Variants in YIPF4 observed in about 807,000 individuals in gnomAD.
YIPF4 encodes the protein protein YIPF4.
YIPF4 carries 18 observed loss-of-function variants against 29.4 expected under a neutral mutation model. The ratio of observed to expected loss-of-function variants is 0.61; its 90% CI spans 0.42 to 0.91. The LOEUF is 0.91. YIPF4 is among the 40% of genes least tolerant of loss of function. YIPF4 has a pLI of 0.00. For missense variants in YIPF4, 279 were observed against 282.7 expected (o/e 0.99, Z 0.09); for synonymous variants, 115 against 104.7 (o/e 1.10, Z -0.60).
At chr2:32,289,433 C>T (rs1358865034) in intron 1 of YIPF4, among the ~76,000 whole-genome samples, 1 of 152,130 alleles carries the variant, frequency 6.6e-6, no homozygotes, top group Non-Finnish European at 1.5e-5. Context: ...AGGAAGCTAA[C>T]TTTGGTATTG....
chr2:32,280,519 C>T (rs1021066920), intron 1 of YIPF4, among the ~76,000 whole-genome samples: 1 of 151,444 alleles, frequency 6.6e-6, no homozygotes, highest in Non-Finnish European at 1.5e-5. Context: ...GCTAGGACTA[C>T]AGGCGCCCGG....
chr2:32,292,301 G>A lies in YIPF4; in HGVS notation c.358G>A (p.Ala120Thr). ...RDNPDFWGPL[A>T]VVLFFSMISL... ...CAATCCTGACTTTTGGGGTCCTCTGGCTGTTGTTCTTTTCTTTTCCATGAT... is the reference window on the plus strand; with the variant it reads ...CAATCCTGACTTTTGGGGTCCTCTGACTGTTGTTCTTTTCTTTTCCATGAT... Residue 120 changes from alanine to threonine, a missense_variant, in exon 3 of 6, where the codon GCT becomes ACT. Coordinates refer to ENST00000238831, the MANE Select transcript of YIPF4 (RefSeq NM_032312.4). 6.2e-7 allele frequency: 1 copy of A among 1,602,150 alleles called. No homozygotes were observed. The highest frequency in any genetic ancestry group is 1.1e-5 in the South Asian group (1 of 88,354).
At position 32,306,445 on chromosome 2, in the gene YIPF4, T is replaced by C. The variant is rs1374310468; in HGVS notation, c.*819T>C. The C allele has an allele frequency of 2.0e-6, 2 of 984,072 alleles. No individual in the cohort carries two copies. Among genetic ancestry groups the C allele is most frequent in the Non-Finnish European group, 2.4e-6 (2 of 828,376 alleles). The allele number at this position is 984,072 out of a possible 1,614,324, so 61.0% of individuals were successfully genotyped here. A position where few individuals can be genotyped will look rare whatever the true frequency, so the allele number is the denominator to read the frequency against. The stretch of plus-strand genomic sequence containing the variant: ...TACTATGTACAAAAACAGTAATATT[T>C]ACAGCATCAGTAAATATTTTTAAGT... On this transcript the variant is annotated 3_prime_UTR_variant, in exon 6 of 6. Coordinates refer to ENST00000238831, the MANE Select transcript of YIPF4 (RefSeq NM_032312.4).
intron 4 of YIPF4, among the ~76,000 whole-genome samples, 198 bp downstream of exon 4, chr2:32,298,509 C>T (rs767984061): frequency 2.6e-5 from 4 of 152,124 alleles, no homozygotes; most frequent in Admixed American, 2.0e-4. Context: ...GAAAATATCC[C>T]GTCCCATTTA....
At chr2:32,300,912 C>A (rs1028271790) in intron 4 of YIPF4, among the ~76,000 whole-genome samples, 5 of 152,202 alleles carry the variant, frequency 3.3e-5, no homozygotes, top group Non-Finnish European at 7.3e-5. Flanking sequence ...CAGAACTTGG[C>A]ATAAAGTAGT....
rs201109796 is a variant in YIPF4 at position 32,290,540 on chromosome 2, T to G, written c.137T>G (p.Ile46Ser). ...AAATTAAATCTTGGTGGAGATTTTA[T>G]CAAAGAATCTACAGCTACTACATTT... The part of the protein sequence containing the change: ...DVKLNLGGDF[I>S]KESTATTFLR... Residue 46 changes from isoleucine (I) to serine (S), a missense_variant, in exon 2 of 6, where the codon ATC becomes AGC. By Grantham distance (142) the Ile-to-Ser change is moderately radical (BLOSUM62 -2). Coordinates refer to ENST00000238831, the MANE Select transcript of YIPF4 (RefSeq NM_032312.4). 98 of 1,583,672 alleles carry G rather than the reference T, an allele frequency of 6.2e-5. No homozygotes were observed. Among genetic ancestry groups the G allele is most frequent in the Non-Finnish European group, 7.7e-5 (90 of 1,165,772 alleles).
At chr2:32,294,874 G>A (rs918318570) in intron 3 of YIPF4, among the ~76,000 whole-genome samples, 4 of 152,356 alleles carry the variant, frequency 2.6e-5, no homozygotes, top group Non-Finnish European at 4.4e-5. Flanking sequence ...AGACCAGCCC[G>A]GCCAACACAG....
In YIPF4 at chr2:32,301,148, T is replaced by G. The variant is rs565117946; in HGVS notation, c.484-234T>G. Among the ~76,000 whole-genome samples, 21 of 152,348 alleles carry G rather than the reference T, an allele frequency of 1.4e-4. No homozygotes were observed. The East Asian group carries it at 3.7e-3, about 27-fold the overall frequency. On this transcript the variant is annotated intron_variant, in intron 4 of 5. Coordinates refer to ENST00000238831, the MANE Select transcript of YIPF4 (RefSeq NM_032312.4). Reference sequence around the variant, plus strand: ...AAGAGAGAGGTAAATGCTGGAAATATAGATTTGGGTATTATCAGCAAATTT... The same window carrying G: ...AAGAGAGAGGTAAATGCTGGAAATAGAGATTTGGGTATTATCAGCAAATTT...
Position 32,305,542 on chromosome 2 carries a change from A to C in YIPF4, c.651A>C (p.Glu217Asp). Residue 217 changes from glutamate (E) to aspartate (D), a missense_variant, in exon 6 of 6, where the codon GAA becomes GAC. Physicochemically the swap from Glu to Asp is conservative, Grantham distance 45. Transcript: ENST00000238831. Reference protein sequence around the residue: ...AYSAASLLVGEEFKTKKPLLI... With the variant: ...AYSAASLLVGDEFKTKKPLLI... ...GTGCTGCTTCATTGTTAGTGGGTGA[A>C]GAATTCAAGACCAAAAAGCCTCTTC... The C allele has an allele frequency of 6.2e-7, 1 of 1,611,466 alleles. No individual in the cohort carries two copies. Among genetic ancestry groups the C allele is most frequent in the Non-Finnish European group, 8.5e-7 (1 of 1,178,830 alleles).
intron 4 of YIPF4, among the ~76,000 whole-genome samples, chr2:32,300,552 A>G (rs2031369933): frequency 6.6e-6 from 1 of 152,120 alleles, no homozygotes. Flanking sequence ...GAATAAATTT[A>G]GAGTAACATC....
chr2:32,311,981 A>G lies in YIPF4; in HGVS notation c.*6355A>G, dbSNP rs529419908. 1 of 152,334 alleles carries G rather than the reference A, an allele frequency of 6.6e-6. No homozygotes were observed. Among genetic ancestry groups the G allele is most frequent in the South Asian group, 2.1e-4 (1 of 4,828 alleles). The allele number at this position is 152,334 out of a possible 1,614,324, so 9.4% of individuals were successfully genotyped here. A position where few individuals can be genotyped will look rare whatever the true frequency, so the allele number is the denominator to read the frequency against. On this transcript the variant is annotated 3_prime_UTR_variant, in exon 6 of 6. Transcript: ENST00000238831. ...CTCACTTTGGTGGAATTAGTTCTCC[A>G]TGTAAAGTATCTTTTTAATAGTAAG...
At chr2:32,288,495 A>G (rs995654920) in intron 1 of YIPF4, among the ~76,000 whole-genome samples, 2 of 152,146 alleles carry the variant, frequency 1.3e-5, no homozygotes, top group African/African-American at 2.4e-5. Context: ...TTCTGGATGT[A>G]AATCTTCTTC....
chr2:32,298,097 C>T, intron 3 of YIPF4, 137 bp from the exon 4 acceptor site: 1 of 603,834 alleles, frequency 1.7e-6, no homozygotes, highest in Non-Finnish European at 2.9e-6. Context: ...TGGAGTAATA[C>T]CTGAGAGCCC....
chr2:32,298,170 G>A (rs2031265356), intron 3 of YIPF4, 64 bp from the exon 4 acceptor site: 3 of 1,306,316 alleles, frequency 2.3e-6, no homozygotes, highest in East Asian at 2.3e-5. Flanking sequence ...AGAGAATCGA[G>A]TTCCTGGAAA....
chr2:32,293,294 T>G (rs2031001883), intron 3 of YIPF4, among the ~76,000 whole-genome samples: 1 of 152,058 alleles, frequency 6.6e-6, no homozygotes. Context: ...TGATGACTCT[T>G]AACGAGCATG....
chr2:32,295,429 C>G (rs1009299630), intron 3 of YIPF4, among the ~76,000 whole-genome samples: 8 of 152,104 alleles, frequency 5.3e-5, no homozygotes, highest in African/African-American at 1.9e-4. Flanking sequence ...TCTTAAAGGA[C>G]TAAGATCAAA....
rs1380073066 is a variant in YIPF4 at position 32,314,915 on chromosome 2, TTAAA to T, written c.*9293_*9296del. 6 of 152,116 alleles carry T rather than the reference TTAAA, an allele frequency of 3.9e-5. No individual in the cohort carries two copies. The highest frequency in any genetic ancestry group is 1.4e-4 in the African/African-American group (6 of 41,440). 9.4% of individuals were successfully genotyped at this position (152,116 alleles called of 1,614,324 possible). On this transcript the variant is annotated 3_prime_UTR_variant, in exon 6 of 6. Coordinates refer to ENST00000238831, the MANE Select transcript of YIPF4 (RefSeq NM_032312.4). The stretch of plus-strand genomic sequence containing the variant: ...CAAATTGGTATAAAAAGATGGAATA[TTAAA>T]TAAGTGGGGATACTGTATCAGATAG...
chr2:32,301,714 G>A (rs2031410804), intron 5 of YIPF4, among the ~76,000 whole-genome samples: 1 of 152,114 alleles, frequency 6.6e-6, no homozygotes, highest in Non-Finnish European at 1.5e-5. Context: ...AAAACAAAGA[G>A]CAAATCAGGT....
chr2:32,293,029 T>A (rs1341071567), intron 3 of YIPF4, among the ~76,000 whole-genome samples: 1 of 147,774 alleles, frequency 6.8e-6, no homozygotes, highest in African/African-American at 2.6e-5. Flanking sequence ...TTTCTTACCT[T>A]TTTTTTGATT....
Sources: gnomAD v4.1 joint callset for allele counts (sites outside exome capture counted in the v4.1 genomes callset) on GRCh38, gnomAD v4.1.1 for gene constraint, MANE v1.5 for transcripts, NCBI Gene and HGNC (gene_info 2026-07-23, HGNC 2026-07-21) for gene names.